ADAM18: variants seen among roughly 807,000 people sequenced by gnomAD.
The protein encoded by ADAM18 is ADAM metallopeptidase domain 18, also known as disintegrin and metalloproteinase domain-containing protein 18.
Under a neutral mutation model 94.4 loss-of-function variants are expected in ADAM18, and 117 were observed. That is an observed-to-expected ratio of 1.24 (90% CI 1.07 to 1.45). ADAM18 has a LOEUF of 1.45. ADAM18 is among the 40% of genes most tolerant of loss of function. ADAM18 has a pLI of 0.00. For missense variants in ADAM18, 936 were observed against 880.0 expected (o/e 1.06, Z -0.81); for synonymous variants, 327 against 291.6 (o/e 1.12, Z -1.24).
In ADAM18 at chr8:39,677,375, C is replaced by G. The variant is rs28414415; in HGVS notation, c.1526-56C>G. 7.0e-3 allele frequency: 9,815 copies of G among 1,393,518 alleles called. 517 individuals are homozygous for G. The African/African-American group carries it at 0.11, about 16-fold the overall frequency. 86.3% of individuals were successfully genotyped at this position (1,393,518 alleles called of 1,614,324 possible). A position where few individuals can be genotyped will look rare whatever the true frequency, so the allele number is the denominator to read the frequency against. On this transcript the variant is annotated intron_variant, in intron 14 of 19. Coordinates refer to ENST00000265707, the MANE Select transcript of ADAM18 (RefSeq NM_014237.3). Reference sequence around the variant, plus strand: ...TTAAATTTCCTTAGTCTGTTACTGACAAACATTTAACTCATATTAAGAATG... The same window carrying G: ...TTAAATTTCCTTAGTCTGTTACTGAGAAACATTTAACTCATATTAAGAATG...
chr8:39,598,978 ATGT>A (rs1818824423), intron 2 of ADAM18, among the ~76,000 whole-genome samples: 1 of 151,732 alleles, frequency 6.6e-6, no homozygotes, highest in South Asian at 2.1e-4. Context: ...CGCCCGGCTA[ATGT>A]TGTATTTTTA....
Position 39,727,371 on chromosome 8 carries a change from T to C in ADAM18, c.2178-2527T>C, listed in dbSNP as rs535118524. Among the ~76,000 whole-genome samples, 98 of 152,326 alleles carry C rather than the reference T, an allele frequency of 6.4e-4. 1 individual carries two copies. The highest frequency in any genetic ancestry group is 2.3e-3 in the African/African-American group (97 of 41,578). On this transcript the variant is annotated intron_variant, in intron 19 of 19. Coordinates refer to ENST00000265707, the MANE Select transcript of ADAM18 (RefSeq NM_014237.3). ...GCTAGGCTGAAAATTTTTCAAACTG[T>C]TATGCTCTGCTTCCTGATTAAATAT... is the stretch of plus-strand genomic sequence containing the variant.
intron 12 of ADAM18, among the ~76,000 whole-genome samples, chr8:39,661,655 T>G (rs1820844752): frequency 6.6e-6 from 1 of 151,980 alleles, no homozygotes; most frequent in Admixed American, 6.6e-5. Flanking sequence ...TATTCTTATA[T>G]TTTATTGCTA....
chr8:39,662,727 C>T (rs1404957464), intron 12 of ADAM18, among the ~76,000 whole-genome samples: 7 of 152,150 alleles, frequency 4.6e-5, no homozygotes, highest in Non-Finnish European at 8.8e-5. Flanking sequence ...CAGGTTTAAG[C>T]GAGTCTCTTG....
chr8:39,660,620 T>G (rs1417320367), intron 12 of ADAM18, among the ~76,000 whole-genome samples: 1 of 151,990 alleles, frequency 6.6e-6, no homozygotes, highest in Non-Finnish European at 1.5e-5. Context: ...AAAGGAGAAA[T>G]AGATGGCAAT....
At chr8:39,631,532 A>T (rs1025386750) in intron 7 of ADAM18, among the ~76,000 whole-genome samples, 1 of 151,896 alleles carries the variant, frequency 6.6e-6, no homozygotes, top group East Asian at 1.9e-4. Context: ...GTTCACTTCC[A>T]TTGCCCTATT....
rs200529145 is a variant in ADAM18 at position 39,585,777 on chromosome 8, T to C, written c.132+425T>C. On this transcript the variant is annotated intron_variant, in intron 2 of 19. Coordinates refer to ENST00000265707, the MANE Select transcript of ADAM18 (RefSeq NM_014237.3). Reference sequence around the variant, plus strand: ...AATAGCACGTAATGTACAAAGAAATTTTAAAAAAGCAAAGAAAAAATAAAA... The same window carrying C: ...AATAGCACGTAATGTACAAAGAAATCTTAAAAAAGCAAAGAAAAAATAAAA... 9.9e-5 allele frequency among the ~76,000 whole-genome samples: 15 copies of C among 152,240 alleles called. No homozygotes were observed. In the East Asian group the frequency reaches 1.5e-3, roughly 16 times the overall value.
intron 7 of ADAM18, among the ~76,000 whole-genome samples, chr8:39,634,427 A>G (rs1018865351): frequency 1.3e-5 from 2 of 152,192 alleles, no homozygotes; most frequent in African/African-American, 2.4e-5. Context: ...AGCTGCATGC[A>G]TGCATTTTCG....
In ADAM18 at chr8:39,691,909, GAAGTAATTAAA is replaced by G. The variant is rs200406496; in HGVS notation, c.1822-687_1822-677del. The stretch of plus-strand genomic sequence containing the variant: ...TAAATTGGTTTTATGCAGATTTGAG[GAAGTAATTAAA>G]AAGCTAATTTTTATTCATGTTTAGT... On this transcript the variant is annotated intron_variant, in intron 16 of 19. Coordinates refer to ENST00000265707, the MANE Select transcript of ADAM18 (RefSeq NM_014237.3). Among the ~76,000 whole-genome samples, 1,169 of 151,924 alleles carry G rather than the reference GAAGTAATTAAA, an allele frequency of 7.7e-3. 23 individuals are homozygous for G. The highest frequency in any genetic ancestry group is 0.027 in the African/African-American group (1,105 of 41,480).
At chr8:39,675,821 CT>C (rs1394867545) in intron 14 of ADAM18, among the ~76,000 whole-genome samples, 2 of 151,742 alleles carry the variant, frequency 1.3e-5, no homozygotes, top group African/African-American at 2.4e-5. Context: ...TGTAGATGAC[CT>C]TTTTGTTGAC....
chr8:39,707,508 C>T (rs1822272166), intron 18 of ADAM18, among the ~76,000 whole-genome samples: 2 of 152,294 alleles, frequency 1.3e-5, no homozygotes, highest in African/African-American at 2.4e-5. Flanking sequence ...TTATCATGCA[C>T]TGCAGTCTTA....
rs752067604 is a variant in ADAM18 at position 39,638,461 on chromosome 8, G to A, written c.828-4G>A. On this transcript the variant is annotated splice_region_variant and splice_polypyrimidine_tract_variant and intron_variant, in intron 9 of 19. Coordinates refer to ENST00000265707, the MANE Select transcript of ADAM18 (RefSeq NM_014237.3). ...TACGTTAATAAAAAATTATAATAAT[G>A]TAGTTACAGGAAACATCCTAAATAT... is the stretch of plus-strand genomic sequence containing the variant. The A allele has an allele frequency of 1.0e-5, 16 of 1,534,896 alleles. No homozygotes were observed. The highest frequency in any genetic ancestry group is 7.7e-5 in the South Asian group (6 of 78,266).
chr8:39,692,216 C>T (rs1011945421), intron 16 of ADAM18, among the ~76,000 whole-genome samples: 1 of 151,702 alleles, frequency 6.6e-6, no homozygotes, highest in African/African-American at 2.4e-5. Context: ...GATTTCTGTT[C>T]CAATTTTTGA....
intron 7 of ADAM18, among the ~76,000 whole-genome samples, chr8:39,635,321 C>T (rs909105817): frequency 1.1e-4 from 17 of 152,152 alleles, no homozygotes; most frequent in Non-Finnish European, 2.2e-4. Flanking sequence ...GAATTTGTAA[C>T]ACATTCTTTT....
At chr8:39,602,942 C>A (rs1434621681) in intron 2 of ADAM18, among the ~76,000 whole-genome samples, 1 of 152,058 alleles carries the variant, frequency 6.6e-6, no homozygotes, top group Non-Finnish European at 1.5e-5. Flanking sequence ...TTGTGTATTA[C>A]CTTTAAGTCT....
chr8:39,609,262 G>T, intron 4 of ADAM18, 142 bp downstream of exon 4: 1 of 726,146 alleles, frequency 1.4e-6, no homozygotes. Context: ...GCATGTGATA[G>T]AGATGAAACC....
rs1820924123 is a variant in ADAM18 at position 39,663,998 on chromosome 8, A to C, written c.1326+108A>C. ...AAAGAATATATAAGGAATTTAGTGAAATAAAATGTAGAGTGCATGAACAAA... is the reference window on the plus strand; with the variant it reads ...AAAGAATATATAAGGAATTTAGTGACATAAAATGTAGAGTGCATGAACAAA... On this transcript the variant is annotated intron_variant, in intron 13 of 19. Coordinates refer to ENST00000265707, the MANE Select transcript of ADAM18 (RefSeq NM_014237.3). 6 of 746,290 alleles carry C rather than the reference A, an allele frequency of 8.0e-6. No homozygotes were observed. The Middle Eastern group carries it at 1.2e-3, about 147-fold the overall frequency. The allele number at this position is 746,290 out of a possible 1,614,324, so 46.2% of individuals were successfully genotyped here. A position where few individuals can be genotyped will look rare whatever the true frequency, so the allele number is the denominator to read the frequency against.
chr8:39,636,859 G>T (rs1473629307), intron 7 of ADAM18, among the ~76,000 whole-genome samples: 1 of 151,042 alleles, frequency 6.6e-6, no homozygotes, highest in African/African-American at 2.4e-5. Context: ...TATTTGTTTT[G>T]TTTTGTTTAG....
chr8:39,634,879 A>G (rs1466896235), intron 7 of ADAM18, among the ~76,000 whole-genome samples: 1 of 152,124 alleles, frequency 6.6e-6, no homozygotes, highest in African/African-American at 2.4e-5. Flanking sequence ...GGATGAAGGT[A>G]TTTTGTACGT....
Sources: allele counts gnomAD v4.1 joint callset (sites outside exome capture counted in the v4.1 genomes callset), GRCh38; gene constraint gnomAD v4.1.1; transcripts MANE v1.5; gene names NCBI Gene and HGNC (gene_info 2026-07-23, HGNC 2026-07-21).